The following NR3C2 variants were observed in gnomAD, a reference collection of about 807,000 sequenced individuals.
The protein encoded by NR3C2 is nuclear receptor subfamily 3 group C member 2.
A neutral mutation model predicts 86.4 loss-of-function variants in NR3C2; 15 were observed. The observed-to-expected ratio is 0.17, with a 90% CI of 0.12 to 0.27. NR3C2 has a LOEUF of 0.27. Ranked by LOEUF, NR3C2 falls within the 10% of genes least tolerant of loss-of-function variation. NR3C2 has a pLI of 1.00. For synonymous variants in NR3C2, 458 were observed against 450.5 expected (o/e 1.02, Z -0.21); for missense variants, 960 against 1,195.6 (o/e 0.80, Z 2.91).
intron 3 of NR3C2, among the ~76,000 whole-genome samples, chr4:148,207,033 C>T (rs947914588): frequency 2.0e-5 from 3 of 152,094 alleles, no homozygotes; most frequent in Admixed American, 1.3e-4. Context: ...GCACTCCTCC[C>T]ACATAAGCTT....
At chr4:148,320,804 C>T (rs74919610) in intron 2 of NR3C2, among the ~76,000 whole-genome samples, 47,787 of 146,634 alleles carry the variant, frequency 0.33, 9,037 homozygotes, top group African/African-American at 0.52. Flanking sequence ...GTCTATCAAT[C>T]TTGTTGATCC....
intron 4 of NR3C2, among the ~76,000 whole-genome samples, chr4:148,186,493 T>G (rs934196465): frequency 4.6e-5 from 7 of 152,192 alleles, no homozygotes; most frequent in African/African-American, 1.4e-4. Context: ...TTATTTCATA[T>G]AGTCATCTTT....
At chr4:148,292,149 T>A (rs901585752) in intron 2 of NR3C2, among the ~76,000 whole-genome samples, 4 of 152,040 alleles carry the variant, frequency 2.6e-5, no homozygotes, top group African/African-American at 9.6e-5. Context: ...AAAAATACTT[T>A]CCTATTATGT....
intron 6 of NR3C2, among the ~76,000 whole-genome samples, chr4:148,136,548 A>G (rs1209216353): frequency 2.6e-5 from 4 of 152,112 alleles, no homozygotes; most frequent in Non-Finnish European, 5.9e-5. Context: ...CCACTTCACT[A>G]TACCCATCCA....
chr4:148,086,003 A>G (rs1260498271), intron 8 of NR3C2, among the ~76,000 whole-genome samples: 1 of 152,220 alleles, frequency 6.6e-6, no homozygotes, highest in African/African-American at 2.4e-5. Context: ...ACCAACCAAA[A>G]AAAGTCCAGG....
At chr4:148,280,946 CAGTT>C (rs1245284690) in intron 2 of NR3C2, among the ~76,000 whole-genome samples, 5 of 152,176 alleles carry the variant, frequency 3.3e-5, no homozygotes, top group African/African-American at 1.2e-4. Context: ...TTTGAGAGAA[CAGTT>C]AGAGCTTAGC....
intron 2 of NR3C2, among the ~76,000 whole-genome samples, chr4:148,301,904 T>C (rs1742355170): frequency 6.6e-6 from 1 of 152,224 alleles, no homozygotes; most frequent in African/African-American, 2.4e-5. Context: ...CTTCTTCAGG[T>C]TATATTTTCA....
intron 2 of NR3C2, among the ~76,000 whole-genome samples, chr4:148,411,213 G>A (rs1221166225): frequency 6.7e-6 from 1 of 148,328 alleles, no homozygotes; most frequent in Non-Finnish European, 1.5e-5. Context: ...TTGGGGCCCA[G>A]CAATTGGTAG....
intron 3 of NR3C2, among the ~76,000 whole-genome samples, chr4:148,243,275 C>T (rs1560997184): frequency 6.6e-6 from 1 of 152,060 alleles, no homozygotes; most frequent in Non-Finnish European, 1.5e-5. Flanking sequence ...GCAATCCTCT[C>T]CTGTTGGCCT....
At chr4:148,212,404 T>C (rs1462899134) in intron 3 of NR3C2, among the ~76,000 whole-genome samples, 1 of 152,244 alleles carries the variant, frequency 6.6e-6, no homozygotes, top group Non-Finnish European at 1.5e-5. Context: ...AAGTTAGGAC[T>C]GAGCTACCCT....
intron 2 of NR3C2, among the ~76,000 whole-genome samples, chr4:148,286,246 A>C (rs1741512741): frequency 6.6e-6 from 1 of 152,230 alleles, no homozygotes; most frequent in South Asian, 2.1e-4. Flanking sequence ...AGACCAAAGG[A>C]AACACTGTAA....
intron 2 of NR3C2, among the ~76,000 whole-genome samples, chr4:148,296,124 T>C (rs774288931): frequency 7.0e-6 from 1 of 143,662 alleles, no homozygotes; most frequent in Non-Finnish European, 1.5e-5. Flanking sequence ...AGGAAGGCCA[T>C]AAAATATCTC....
At chr4:148,121,562 C>CA (rs1732506170) in intron 6 of NR3C2, among the ~76,000 whole-genome samples, 1 of 152,110 alleles carries the variant, frequency 6.6e-6, no homozygotes, top group South Asian at 2.1e-4. Flanking sequence ...AGTTAAGGCC[C>CA]ACTCTGCCTT....
At chr4:148,396,383 G>A (rs1747861755) in intron 2 of NR3C2, among the ~76,000 whole-genome samples, 1 of 152,148 alleles carries the variant, frequency 6.6e-6, no homozygotes, top group Non-Finnish European at 1.5e-5. Flanking sequence ...AAGGCAATTT[G>A]AGAAAAATTT....
chr4:148,112,809 A>G (rs1382776346), intron 8 of NR3C2, among the ~76,000 whole-genome samples: 1 of 152,214 alleles, frequency 6.6e-6, no homozygotes, highest in Non-Finnish European at 1.5e-5. Context: ...TTCCGCTGGC[A>G]TAATGGAATT....
At position 148,080,884 on chromosome 4, in the gene NR3C2, G is replaced by GTGTT. The variant is rs1730519549; in HGVS notation, c.*456_*459dup. Reference sequence around the variant, plus strand: ...GTATATATTTTTTTATTATTTTTTTGTGTTTTTTTAATAACAAAAGAATAT... The same window carrying GTGTT: ...GTATATATTTTTTTATTATTTTTTTGTGTTTGTTTTTTTAATAACAAAAGAATAT... On this transcript the variant is annotated 3_prime_UTR_variant, in exon 9 of 9. Coordinates refer to ENST00000358102, the MANE Select transcript of NR3C2 (RefSeq NM_000901.5). The GTGTT allele has an allele frequency of 2.8e-6, 1 of 361,148 alleles. No individual in the cohort carries two copies. Among genetic ancestry groups the GTGTT allele is most frequent in the South Asian group, 2.0e-5 (1 of 48,888 alleles). 22.4% of individuals were successfully genotyped at this position (361,148 alleles called of 1,614,324 possible).
chr4:148,419,800 T>C (rs1287054077), intron 2 of NR3C2, among the ~76,000 whole-genome samples: 5 of 152,078 alleles, frequency 3.3e-5, no homozygotes, highest in Non-Finnish European at 7.4e-5. Flanking sequence ...CAATCATTAA[T>C]TTTCTGTTCT....
At chr4:148,438,569 T>C (rs144972846) in intron 1 of NR3C2, among the ~76,000 whole-genome samples, 51 of 152,256 alleles carry the variant, frequency 3.3e-4, no homozygotes, top group Non-Finnish European at 7.1e-4. Context: ...TTCCCCTCTT[T>C]GTCACTATCT....
At chr4:148,203,305 G>A (rs1736825208) in intron 3 of NR3C2, among the ~76,000 whole-genome samples, 1 of 151,522 alleles carries the variant, frequency 6.6e-6, no homozygotes, top group Non-Finnish European at 1.5e-5. Flanking sequence ...TATGTACAAT[G>A]TAAGTTTCCC....
Sources: allele counts gnomAD v4.1 joint callset (sites outside exome capture counted in the v4.1 genomes callset), GRCh38; gene constraint gnomAD v4.1.1; transcripts MANE v1.5; gene names NCBI Gene and HGNC (gene_info 2026-07-23, HGNC 2026-07-21).